The following YY1 variants were observed in gnomAD, a reference collection of about 807,000 sequenced individuals.
YY1 encodes the protein YY1 transcription factor, also known as transcriptional repressor protein YY1.
In YY1, 2 loss-of-function variants were observed where a neutral mutation model predicts 35.6. The ratio of observed to expected loss-of-function variants is 0.06; its 90% CI spans 0.02 to 0.18. The LOEUF (loss-of-function observed/expected upper bound fraction) is 0.18, where lower values mean the gene tolerates loss of function less well. YY1 is among the 10% of genes least tolerant of loss of function. YY1 has a pLI of 1.00. For synonymous variants in YY1, 268 were observed against 238.9 expected, an observed-to-expected ratio of 1.12 and a Z score of -1.12; for missense variants, 322 against 573.4, an observed-to-expected ratio of 0.56 and a Z score of 4.48.
chr14:100,262,719 C>T (rs545054418), intron 2 of YY1, among the ~76,000 whole-genome samples: 2 of 152,096 alleles, frequency 1.3e-5, no homozygotes, highest in East Asian at 3.9e-4. Flanking sequence ...CGGGTTCAAG[C>T]AATTCTGACA....
intron 1 of YY1, among the ~76,000 whole-genome samples, chr14:100,242,423 CTG>C (rs1410643398): frequency 7.8e-6 from 1 of 127,708 alleles, no homozygotes; most frequent in Non-Finnish European, 1.6e-5. Flanking sequence ...GAGTCTCGCT[CTG>C]TCGCCCAGGC....
At chr14:100,271,730 A>C (rs1423129584) in intron 2 of YY1, among the ~76,000 whole-genome samples, 3 of 152,070 alleles carry the variant, frequency 2.0e-5, no homozygotes, top group Admixed American at 2.0e-4. Context: ...TCGCAGCCTC[A>C]AATTCCTGGG....
At chr14:100,270,624 A>G (rs971739302) in intron 2 of YY1, among the ~76,000 whole-genome samples, 1 of 151,874 alleles carries the variant, frequency 6.6e-6, no homozygotes. Context: ...CTCCATCTCA[A>G]AAAAGAAAAG....
intron 1 of YY1, among the ~76,000 whole-genome samples, chr14:100,249,022 T>G (rs1890880587): frequency 6.6e-6 from 1 of 151,764 alleles, no homozygotes; most frequent in African/African-American, 2.4e-5. Context: ...GTTACTTTGG[T>G]TTTACACAGT....
intron 2 of YY1, chr14:100,263,938 C>T (rs1891118652): frequency 1.3e-5 from 2 of 152,128 alleles, no homozygotes; most frequent in Admixed American, 6.6e-5. Context: ...GATGATAGCT[C>T]ACTACAGCCT....
chr14:100,282,566 G>C lies in YY1; in HGVS notation c.*4966G>C, dbSNP rs538472434. 1 of 152,112 alleles carries C rather than the reference G, an allele frequency of 6.6e-6. No individual in the cohort carries two copies. Among genetic ancestry groups the C allele is most frequent in the African/African-American group, 2.4e-5 (1 of 41,416 alleles). 9.4% of individuals were successfully genotyped at this position (152,112 alleles called of 1,614,324 possible). On this transcript the variant is annotated 3_prime_UTR_variant, in exon 5 of 5. Transcript: ENST00000262238. ...CCCTGGCTCAAGGACTTAGCATTTC[G>C]TCTCATGTACATCTTTTTCTTAAGT...
intron 1 of YY1, among the ~76,000 whole-genome samples, chr14:100,255,795 G>T (rs1035981463): frequency 6.6e-6 from 1 of 152,200 alleles, no homozygotes; most frequent in Non-Finnish European, 1.5e-5. Flanking sequence ...ACGTCACTGA[G>T]TACAGTTTTC....
chr14:100,243,456 C>T (rs1453843048), intron 1 of YY1, among the ~76,000 whole-genome samples: 2 of 152,096 alleles, frequency 1.3e-5, no homozygotes. Context: ...ACAGGGTATT[C>T]CCCGAGGGTC....
intron 2 of YY1, among the ~76,000 whole-genome samples, chr14:100,265,804 G>A (rs541228417): frequency 3.3e-5 from 5 of 151,910 alleles, no homozygotes; most frequent in South Asian, 2.1e-4. Flanking sequence ...GCCTGCCACC[G>A]TACCCGGCTA....
At chr14:100,275,591 A>G (rs1184904308) in intron 3 of YY1, 3 of 152,246 alleles carry the variant, frequency 2.0e-5, no homozygotes, top group Non-Finnish European at 2.9e-5. Context: ...ATACTTGTAC[A>G]TATTTATGGG....
chr14:100,268,232 A>G (rs1351409801), intron 2 of YY1, among the ~76,000 whole-genome samples: 1 of 152,184 alleles, frequency 6.6e-6, no homozygotes, highest in Non-Finnish European at 1.5e-5. Context: ...AAACTGTCCA[A>G]AGAGTATTTC....
chr14:100,269,852 T>C (rs1891208190), intron 2 of YY1, among the ~76,000 whole-genome samples: 1 of 152,130 alleles, frequency 6.6e-6, no homozygotes. Context: ...AAAATGACAT[T>C]TTAAGAAAAA....
At chr14:100,254,332 G>A (rs896568524) in intron 1 of YY1, among the ~76,000 whole-genome samples, 2 of 152,132 alleles carry the variant, frequency 1.3e-5, no homozygotes, top group Non-Finnish European at 2.9e-5. Flanking sequence ...TTGCTTTATT[G>A]TGTGTCCAGC....
At chr14:100,267,685 G>A (rs1451489293) in intron 2 of YY1, among the ~76,000 whole-genome samples, 3 of 152,026 alleles carry the variant, frequency 2.0e-5, no homozygotes, top group Non-Finnish European at 2.9e-5. Flanking sequence ...CACTACGCCC[G>A]GCTAATTTTT....
chr14:100,239,171 G>T lies in YY1; in HGVS notation c.-74G>T, dbSNP rs1890681622. 8.3e-7 allele frequency: 1 copy of T among 1,207,442 alleles called. No individual in the cohort carries two copies. The highest frequency in any genetic ancestry group is 4.1e-5 in the East Asian group (1 of 24,690). 74.8% of individuals were successfully genotyped at this position (1,207,442 alleles called of 1,614,324 possible). A position where few individuals can be genotyped will look rare whatever the true frequency, so the allele number is the denominator to read the frequency against. On this transcript the variant is annotated 5_prime_UTR_variant, in exon 1 of 5. Coordinates refer to ENST00000262238, the MANE Select transcript of YY1 (RefSeq NM_003403.5). ...CCCTCTGCCTTCCTTCCCCACGGCC[G>T]GCCGCCTCCTCGCCCGCCCGCCCGC...
At chr14:100,270,629 G>T (rs567134647) in intron 2 of YY1, among the ~76,000 whole-genome samples, 8 of 151,800 alleles carry the variant, frequency 5.3e-5, no homozygotes, top group Middle Eastern at 3.4e-3. Context: ...TCTCAAAAAA[G>T]AAAAGAAAAG....
At chr14:100,244,992 A>C (rs1458158934) in intron 1 of YY1, among the ~76,000 whole-genome samples, 1 of 151,854 alleles carries the variant, frequency 6.6e-6, no homozygotes, top group African/African-American at 2.4e-5. Context: ...GCTAGAGTGC[A>C]GTGGCACGAT....
chr14:100,247,283 T>C (rs1034028604), intron 1 of YY1, among the ~76,000 whole-genome samples: 2 of 152,240 alleles, frequency 1.3e-5, no homozygotes, highest in Non-Finnish European at 2.9e-5. Flanking sequence ...TTGCATTCTT[T>C]TATTTAACTC....
chr14:100,270,353 G>A (rs1172937426), intron 2 of YY1, among the ~76,000 whole-genome samples: 2 of 149,296 alleles, frequency 1.3e-5, no homozygotes, highest in Non-Finnish European at 3.0e-5. Context: ...GCTCATGCCT[G>A]TAATCCTAGC....
Sources: allele counts gnomAD v4.1 joint callset (sites outside exome capture counted in the v4.1 genomes callset), GRCh38; gene constraint gnomAD v4.1.1; transcripts MANE v1.5; gene names NCBI Gene and HGNC (gene_info 2026-07-23, HGNC 2026-07-21).